The following COBLL1 variants were observed in gnomAD, a reference collection of about 807,000 sequenced individuals.
The protein encoded by COBLL1 is cordon-bleu protein-like 1.
In COBLL1, 50 loss-of-function variants were observed where a neutral mutation model predicts 94.8. That is an observed-to-expected ratio of 0.53 (90% CI 0.42 to 0.67). COBLL1 has a LOEUF of 0.67. Among genes scored for constraint, COBLL1 ranks in the 30% least tolerant of loss-of-function variants. COBLL1 has a pLI of 0.00. For missense variants in COBLL1, 1,362 were observed against 1,348.7 expected (o/e 1.01, Z -0.15); for synonymous variants, 448 against 473.8 (o/e 0.95, Z 0.71).
At chr2:164,784,019 C>T (rs2105281247) in intron 2 of COBLL1, among the ~76,000 whole-genome samples, 1 of 152,218 alleles carries the variant, frequency 6.6e-6, no homozygotes, top group East Asian at 1.9e-4. Flanking sequence ...TTTTCACATT[C>T]TTTCTAGAGG....
intron 2 of COBLL1, 49 bp from the exon 3 acceptor site, chr2:164,743,924 G>T: frequency 1.5e-6 from 2 of 1,313,250 alleles, no homozygotes; most frequent in Non-Finnish European, 1.0e-6. Flanking sequence ...TATTTTTAAG[G>T]TAACTTTTTA....
At position 164,689,193 on chromosome 2, in the gene COBLL1, A is replaced by G. The variant is rs1439166060; in HGVS notation, c.3300+3028T>C. On this transcript the variant is annotated intron_variant, in intron 13 of 13. Coordinates refer to ENST00000652658, the MANE Select transcript of COBLL1 (RefSeq NM_001365672.2). ...AAAAACATGGCATATTTATGACTACATTTACACTAGAGCAATCAACTAGAT... is the reference window on the plus strand; with the variant it reads ...AAAAACATGGCATATTTATGACTACGTTTACACTAGAGCAATCAACTAGAT... 2.5e-4 allele frequency among the ~76,000 whole-genome samples: 38 copies of G among 152,136 alleles called. 1 individual carries two copies. Among genetic ancestry groups the G allele is most frequent in the Non-Finnish European group, 2.9e-5 (2 of 67,992 alleles).
At chr2:164,804,338 A>G (rs983587722) in intron 2 of COBLL1, among the ~76,000 whole-genome samples, 24 of 152,150 alleles carry the variant, frequency 1.6e-4, no homozygotes, top group Non-Finnish European at 4.4e-5. Context: ...ACAACTTATA[A>G]ATAACATGTG....
At chr2:164,806,769 A>G (rs189507402) in intron 2 of COBLL1, among the ~76,000 whole-genome samples, 1 of 152,296 alleles carries the variant, frequency 6.6e-6, no homozygotes, top group East Asian at 1.9e-4. Flanking sequence ...GCACAATCAC[A>G]GCTAATTGTG....
chr2:164,806,873 T>C (rs1471915204), intron 2 of COBLL1, among the ~76,000 whole-genome samples: 5 of 152,084 alleles, frequency 3.3e-5, no homozygotes, highest in African/African-American at 9.7e-5. Context: ...CTAATTTTTC[T>C]ATTTTTTTGT....
chr2:164,823,184 TCATTACGAGCAGTTA>T (rs1685266707), intron 2 of COBLL1, among the ~76,000 whole-genome samples: 1 of 152,220 alleles, frequency 6.6e-6, no homozygotes, highest in African/African-American at 2.4e-5. Context: ...AATCATGTTT[TCATTACGAGCAGTTA>T]CATTACTCCG....
In COBLL1 at chr2:164,683,819, A is replaced by C. The variant is rs2105401192; in HGVS notation, c.*2127T>G. 1 of 152,180 alleles carries C rather than the reference A, an allele frequency of 6.6e-6. No individual in the cohort carries two copies. Among genetic ancestry groups the C allele is most frequent in the South Asian group, 2.1e-4 (1 of 4,824 alleles). The allele number at this position is 152,180 out of a possible 1,614,324, so 9.4% of individuals were successfully genotyped here. A position where few individuals can be genotyped will look rare whatever the true frequency, so the allele number is the denominator to read the frequency against. On this transcript the variant is annotated 3_prime_UTR_variant, in exon 14 of 14. Transcript: ENST00000652658. The stretch of plus-strand genomic sequence containing the variant: ...ATATAGCTCTAGCTTGTTCATTTGG[A>C]CTGCTGTGTGGAAGTCTATCATATG...
chr2:164,782,330 TTAAC>T (rs888438656), intron 2 of COBLL1, among the ~76,000 whole-genome samples: 1 of 152,124 alleles, frequency 6.6e-6, no homozygotes, highest in African/African-American at 2.4e-5. Flanking sequence ...CATCCCTAAA[TTAAC>T]TGTTAATTAT....
intron 7 of COBLL1, among the ~76,000 whole-genome samples, chr2:164,714,584 C>G (rs1685070138): frequency 6.6e-6 from 1 of 152,106 alleles, no homozygotes; most frequent in Non-Finnish European, 1.5e-5. Context: ...ATCAAACAAA[C>G]TGGGGCCAAC....
chr2:164,723,083 A>G (rs1685538907), intron 5 of COBLL1: 1 of 152,342 alleles, frequency 6.6e-6, no homozygotes, highest in Non-Finnish European at 1.5e-5. Flanking sequence ...AAGTCTGGGG[A>G]CAATTTGATT....
At chr2:164,725,120 A>G (rs1306413326) in intron 5 of COBLL1, 29 of 99,440 alleles carry the variant, frequency 2.9e-4, no homozygotes, top group Non-Finnish European at 1.9e-5. Flanking sequence ...ATATATATAT[A>G]TATATATATA....
At chr2:164,806,941 G>A (rs1329829677) in intron 2 of COBLL1, among the ~76,000 whole-genome samples, 1 of 152,000 alleles carries the variant, frequency 6.6e-6, no homozygotes, top group Non-Finnish European at 1.5e-5. Flanking sequence ...CCTGAGCTCA[G>A]GTTATCCTCC....
intron 2 of COBLL1, chr2:164,800,604 C>T (rs2105317250): frequency 1.4e-6 from 1 of 700,624 alleles, no homozygotes; most frequent in Non-Finnish European, 2.6e-6. Flanking sequence ...AATGAAAATA[C>T]TGTACTTGAA....
intron 2 of COBLL1, among the ~76,000 whole-genome samples, chr2:164,665,193 T>G (rs1302566901): frequency 6.6e-6 from 1 of 151,858 alleles, no homozygotes; most frequent in South Asian, 2.1e-4. Flanking sequence ...TAGCCAGGTG[T>G]GGTGGCGGGC....
chr2:164,701,819 T>C (rs1245038614), intron 9 of COBLL1, among the ~76,000 whole-genome samples: 1 of 137,872 alleles, frequency 7.3e-6, no homozygotes, highest in Non-Finnish European at 1.5e-5. Flanking sequence ...TTTTGCTAAA[T>C]ATAATTAAAC....
rs547549629 is a variant in COBLL1, at chr2:164,745,927, T to C, written c.42-2052A>G. On this transcript the variant is annotated intron_variant, in intron 2 of 13. Transcript: ENST00000652658. Reference sequence around the variant, plus strand: ...AAGTAAGAGAACTCAGTAAGGTAGGTTGGCACAAAGTTCATATATGAAAGT... The same window carrying C: ...AAGTAAGAGAACTCAGTAAGGTAGGCTGGCACAAAGTTCATATATGAAAGT... Among the ~76,000 whole-genome samples the C allele has an allele frequency of 2.0e-5, 3 of 152,042 alleles. No individual in the cohort carries two copies. In the South Asian group the frequency reaches 6.2e-4, roughly 32 times the overall value.
At chr2:164,664,900 T>C (rs1423282106) in intron 2 of COBLL1, among the ~76,000 whole-genome samples, 1 of 151,832 alleles carries the variant, frequency 6.6e-6, no homozygotes, top group Non-Finnish European at 1.5e-5. Context: ...TGTCCAAAAC[T>C]GAAAAATGAA....
intron 2 of COBLL1, among the ~76,000 whole-genome samples, chr2:164,833,372 A>G (rs1683167598): frequency 6.6e-6 from 1 of 152,062 alleles, no homozygotes; most frequent in African/African-American, 2.4e-5. Context: ...ATAAATAAAT[A>G]GCTACAAGCT....
At chr2:164,826,058 A>G (rs943172878) in intron 2 of COBLL1, among the ~76,000 whole-genome samples, 1 of 152,206 alleles carries the variant, frequency 6.6e-6, no homozygotes. Context: ...TGACTTTACC[A>G]TAGAAAATTT....
Sources: allele counts gnomAD v4.1 joint callset (sites outside exome capture counted in the v4.1 genomes callset), GRCh38; gene constraint gnomAD v4.1.1; transcripts MANE v1.5; gene names NCBI Gene and HGNC (gene_info 2026-07-23, HGNC 2026-07-21).